GTF2E2: variants seen among roughly 807,000 people sequenced by gnomAD.
The protein encoded by GTF2E2 is transcription initiation factor IIE subunit beta.
GTF2E2 carries 21 observed loss-of-function variants against 40.5 expected under a neutral mutation model. The observed-to-expected ratio is 0.52, with a 90% CI of 0.37 to 0.75. The LOEUF is 0.75. Among genes scored for constraint, GTF2E2 ranks in the 30% least tolerant of loss-of-function variants. The pLI is 0.00. For synonymous variants in GTF2E2, 117 were observed against 121.6 expected, an observed-to-expected ratio of 0.96 and a Z score of 0.25; for missense variants, 298 against 338.4, an observed-to-expected ratio of 0.88 and a Z score of 0.94.
Position 30,637,341 on chromosome 8 carries a change from A to C in GTF2E2, c.167-2218T>G. On this transcript the variant is annotated intron_variant, in intron 2 of 7. Transcript: ENST00000355904. ...CACAAATGGCCAATTATGAATCACAAACAGTTGTGCTTATGAGACATGATG... is the reference window on the plus strand; with the variant it reads ...CACAAATGGCCAATTATGAATCACACACAGTTGTGCTTATGAGACATGATG... 6.6e-6 allele frequency: 3 copies of C among 455,348 alleles called. No homozygotes were observed. In the Admixed American group the frequency reaches 7.1e-5, roughly 11 times the overall value. 28.2% of individuals were successfully genotyped at this position (455,348 alleles called of 1,614,324 possible).
chr8:30,642,197 G>C (rs911288622), intron 2 of GTF2E2, among the ~76,000 whole-genome samples: 2 of 151,442 alleles, frequency 1.3e-5, no homozygotes, highest in African/African-American at 4.9e-5. Context: ...TTGTATTACA[G>C]TGCATTAAAT....
intron 2 of GTF2E2, among the ~76,000 whole-genome samples, chr8:30,652,972 G>A (rs1208109805): frequency 6.6e-6 from 1 of 152,118 alleles, no homozygotes; most frequent in African/African-American, 2.4e-5. Context: ...ACCACTTACT[G>A]TACAATTTCA....
At chr8:30,645,019 G>A (rs1802016079) in intron 2 of GTF2E2, among the ~76,000 whole-genome samples, 1 of 152,038 alleles carries the variant, frequency 6.6e-6, no homozygotes, top group Admixed American at 6.5e-5. Flanking sequence ...CAAAGTGTTG[G>A]GATTACAGGC....
intron 3 of GTF2E2, among the ~76,000 whole-genome samples, chr8:30,629,838 T>A (rs554401662): frequency 1.3e-5 from 2 of 152,206 alleles, no homozygotes; most frequent in South Asian, 4.1e-4. Context: ...GGAGAAACAC[T>A]AAGCTAGAAT....
intron 6 of GTF2E2, among the ~76,000 whole-genome samples, chr8:30,595,287 A>G (rs760987330): frequency 7.2e-5 from 11 of 152,158 alleles, no homozygotes; most frequent in Non-Finnish European, 1.2e-4. Flanking sequence ...ATTTCCCATA[A>G]CACGCCCTAA....
chr8:30,641,187 G>T (rs1801810618), intron 2 of GTF2E2, among the ~76,000 whole-genome samples: 1 of 152,062 alleles, frequency 6.6e-6, no homozygotes, highest in African/African-American at 2.4e-5. Context: ...AACAAACAAT[G>T]AATGTTTTGA....
chr8:30,645,433 T>A (rs1446937144), intron 2 of GTF2E2: 1 of 1,535,710 alleles, frequency 6.5e-7, no homozygotes, highest in Admixed American at 2.0e-5. Context: ...CCTGCTTTTA[T>A]TTATATTTAC....
intron 2 of GTF2E2, among the ~76,000 whole-genome samples, 189 bp from the exon 3 acceptor site, chr8:30,635,312 G>C (rs1258248385): frequency 6.6e-6 from 1 of 151,638 alleles, no homozygotes; most frequent in Non-Finnish European, 1.5e-5. Context: ...TCTCACTAAG[G>C]GTAGAAACAA....
intron 6 of GTF2E2, among the ~76,000 whole-genome samples, chr8:30,589,745 A>G (rs1585937946): frequency 2.0e-5 from 3 of 152,194 alleles, no homozygotes; most frequent in Admixed American, 6.5e-5. Context: ...CAGAGGCTGG[A>G]CAGAATGAGA....
At chr8:30,592,185 C>T (rs1043776172) in intron 6 of GTF2E2, among the ~76,000 whole-genome samples, 37 of 152,054 alleles carry the variant, frequency 2.4e-4, no homozygotes, top group African/African-American at 8.2e-4. Context: ...CAAGACCAGA[C>T]TGGGCAACAC....
At chr8:30,630,205 G>T (rs949673049) in intron 3 of GTF2E2, among the ~76,000 whole-genome samples, 1 of 152,074 alleles carries the variant, frequency 6.6e-6, no homozygotes, top group Non-Finnish European at 1.5e-5. Context: ...GTAAATTACT[G>T]AGCTATGGTA....
At chr8:30,590,176 T>C (rs535003427) in intron 6 of GTF2E2, among the ~76,000 whole-genome samples, 6 of 152,194 alleles carry the variant, frequency 3.9e-5, no homozygotes, top group Non-Finnish European at 7.3e-5. Context: ...AACATATAAA[T>C]AAAATCACAC....
chr8:30,584,376 A>T (rs1828612459), intron 6 of GTF2E2: 2 of 152,206 alleles, frequency 1.3e-5, no homozygotes, highest in African/African-American at 4.8e-5. Context: ...TTGGGTTTTT[A>T]AAAATAGCAA....
chr8:30,651,026 A>AC (rs397975644), intron 2 of GTF2E2, among the ~76,000 whole-genome samples: 6 of 151,230 alleles, frequency 4.0e-5, no homozygotes, highest in Non-Finnish European at 8.9e-5. Flanking sequence ...AAAAAAAAAA[A>AC]CCACCTCTCA....
chr8:30,604,669 C>T (rs1453949999), intron 6 of GTF2E2, among the ~76,000 whole-genome samples: 1 of 152,180 alleles, frequency 6.6e-6, no homozygotes, highest in Non-Finnish European at 1.5e-5. Flanking sequence ...TATCACAAGA[C>T]ACGGAACACA....
chr8:30,635,011 C>T (rs1322440360), intron 3 of GTF2E2, 21 bp downstream of exon 3: 1 of 1,328,342 alleles, frequency 7.5e-7, no homozygotes, highest in Non-Finnish European at 1.1e-6. Context: ...AGGACTTTTG[C>T]TATCTGAGAA....
rs554416628 is a variant in GTF2E2, at chr8:30,604,988, T to G, written c.643+2069A>C. Among the ~76,000 whole-genome samples the G allele has an allele frequency of 4.6e-5, 7 of 152,330 alleles. No homozygotes were observed. The East Asian group carries it at 9.6e-4, about 21-fold the overall frequency. On this transcript the variant is annotated intron_variant, in intron 6 of 7. Coordinates refer to ENST00000355904, the MANE Select transcript of GTF2E2 (RefSeq NM_002095.6). ...AGGGCCAGAAAGTGACAGCTTAGCG[T>G]GCAGATTACAAGAACATCTGGGCTT...
chr8:30,629,396 G>T (rs1021191819), intron 3 of GTF2E2, among the ~76,000 whole-genome samples: 2 of 151,926 alleles, frequency 1.3e-5, no homozygotes, highest in African/African-American at 4.8e-5. Flanking sequence ...TCACTTGAAG[G>T]GCTTTTTTAA....
At chr8:30,645,190 T>C in intron 2 of GTF2E2, 5 of 1,097,708 alleles carry the variant, frequency 4.6e-6, no homozygotes, top group Non-Finnish European at 6.3e-6. Context: ...TCATGTTGCC[T>C]ATACAAATTT....
Sources: gnomAD v4.1 joint callset for allele counts (sites outside exome capture counted in the v4.1 genomes callset) on GRCh38, gnomAD v4.1.1 for gene constraint, MANE v1.5 for transcripts, NCBI Gene and HGNC (gene_info 2026-07-23, HGNC 2026-07-21) for gene names.